Variants in PTRH2 observed in about 807,000 individuals in gnomAD.
PTRH2 encodes the protein peptidyl-tRNA hydrolase 2, mitochondrial.
PTRH2 carries 10 observed loss-of-function variants against 12.3 expected under a neutral mutation model. The observed-to-expected ratio is 0.81, with a 90% CI of 0.50 to 1.38. The LOEUF (loss-of-function observed/expected upper bound fraction) is 1.38. Among genes scored for constraint, PTRH2 ranks in the 40% most tolerant of loss-of-function variants. The pLI is 0.00. For synonymous variants in PTRH2, 73 were observed against 77.4 expected (o/e 0.94, Z 0.30); for missense variants, 176 against 214.1 (o/e 0.82, Z 1.11).
intron 1 of PTRH2, among the ~76,000 whole-genome samples, chr17:59,705,893 T>C (rs1235035510): frequency 1.4e-5 from 2 of 143,742 alleles, no homozygotes; most frequent in African/African-American, 5.2e-5. Context: ...TGGACAACAA[T>C]GCAAAACCCT....
At chr17:59,702,127 G>A (rs2033565050) in intron 1 of PTRH2, among the ~76,000 whole-genome samples, 1 of 152,050 alleles carries the variant, frequency 6.6e-6, no homozygotes, top group Non-Finnish European at 1.5e-5. Flanking sequence ...GAGAAGTTAA[G>A]TTCAATAAAA....
chr17:59,705,005 C>T (rs1436469799), intron 1 of PTRH2, among the ~76,000 whole-genome samples: 1 of 152,180 alleles, frequency 6.6e-6, no homozygotes, highest in East Asian at 1.9e-4. Context: ...CCAGGCTGGT[C>T]TCGAACTCCT....
At position 59,698,663 on chromosome 17, in the gene PTRH2, G is replaced by A. The variant is rs1454651560; in HGVS notation, c.1-685C>T. Reference sequence around the variant, plus strand: ...TATATCCCAATTAACCCAATTAATTGAAAATACTGTAAGCCAAAAATGCAT... The same window carrying A: ...TATATCCCAATTAACCCAATTAATTAAAAATACTGTAAGCCAAAAATGCAT... On this transcript the variant is annotated intron_variant, in intron 1 of 1. Coordinates refer to ENST00000393038, the MANE Select transcript of PTRH2 (RefSeq NM_016077.5). The A allele has an allele frequency of 1.5e-5, 8 of 530,662 alleles. No individual in the cohort carries two copies. The East Asian group carries it at 1.9e-4, about 12-fold the overall frequency. The allele number at this position is 530,662 out of a possible 1,614,324, so 32.9% of individuals were successfully genotyped here. A position where few individuals can be genotyped will look rare whatever the true frequency, so the allele number is the denominator to read the frequency against.
At position 59,697,828 on chromosome 17, in the gene PTRH2, C is replaced by G. The variant is rs770212661; in HGVS notation, c.151G>C (p.Asp51His). 49 of 1,614,202 alleles carry G rather than the reference C, an allele frequency of 3.0e-5. No individual in the cohort carries two copies. The highest frequency in any genetic ancestry group is 4.4e-5 in the South Asian group (4 of 91,082). Residue 51 changes from aspartate to histidine, a missense_variant, in exon 2 of 2, where the codon GAT becomes CAT. Physicochemically the swap from Asp to His is moderately conservative, Grantham distance 81 (BLOSUM62 -1). Transcript: ENST00000393038. ...AAGATGCTTGCTTCACTTTCAGTAT[C>G]TGTGTGTGTCTTGCTCGTCTTGCTT... ...PKSKTSKTHT[D>H]TESEASILGD...
chr17:59,702,734 G>A (rs756574414), intron 1 of PTRH2, among the ~76,000 whole-genome samples: 1 of 152,210 alleles, frequency 6.6e-6, no homozygotes, highest in African/African-American at 2.4e-5. Context: ...GGTAAATAGA[G>A]CTGGTCATGG....
chr17:59,703,522 G>C (rs2033590545), intron 1 of PTRH2, among the ~76,000 whole-genome samples: 3 of 151,660 alleles, frequency 2.0e-5, no homozygotes, highest in Admixed American at 2.0e-4. Context: ...TTTTCTTTTT[G>C]AGACAGAGTC....
chr17:59,701,747 C>A (rs2033557287), intron 1 of PTRH2, among the ~76,000 whole-genome samples: 1 of 152,052 alleles, frequency 6.6e-6, no homozygotes, highest in Admixed American at 6.5e-5. Context: ...GCTCTGTCGC[C>A]CAGGCTAGCA....
intron 1 of PTRH2, chr17:59,701,339 A>G (rs965619894): frequency 1.3e-5 from 2 of 152,244 alleles, no homozygotes; most frequent in Non-Finnish European, 2.9e-5. Context: ...AAAGTGATGC[A>G]TGCTATTTAT....
intron 1 of PTRH2, chr17:59,699,033 G>GT: frequency 3.3e-6 from 2 of 610,788 alleles, no homozygotes; most frequent in Non-Finnish European, 5.9e-6. Flanking sequence ...ATCAACACTA[G>GT]TTGATGGTTT....
intron 1 of PTRH2, chr17:59,699,220 T>A: frequency 4.4e-6 from 1 of 229,724 alleles, no homozygotes; most frequent in East Asian, 1.0e-4. Context: ...CCACTGCTGA[T>A]AGCAGCAAAT....
intron 1 of PTRH2, 84 bp from the exon 2 acceptor site, chr17:59,698,062 T>C: frequency 7.3e-7 from 1 of 1,377,634 alleles, no homozygotes; most frequent in African/African-American, 1.4e-5. Context: ...ATTTTGACTA[T>C]ACACTTAATG....
At chr17:59,699,054 GTGT>G (rs1282934954) in intron 1 of PTRH2, 5 of 577,774 alleles carry the variant, frequency 8.7e-6, no homozygotes, top group African/African-American at 5.6e-5. Flanking sequence ...AGCAAGCATA[GTGT>G]TGTTCTTCAG....
rs995699347 is a variant in PTRH2 at position 59,707,392 on chromosome 17, C to T, written c.-22G>A. On this transcript the variant is annotated 5_prime_UTR_variant, in exon 1 of 2. In the 5' UTR this introduces an upstream ATG that the reference lacks. Transcript: ENST00000393038. ...CTACCTACAGTACCTCCTTTCCTCA[C>T]TCGCGCCTTCCCTTCTTCTGGGCAG... The T allele has an allele frequency of 6.5e-6, 1 of 152,718 alleles. No individual in the cohort carries two copies. Among genetic ancestry groups the T allele is most frequent in the Non-Finnish European group, 1.5e-5 (1 of 68,082 alleles). The allele number at this position is 152,718 out of a possible 1,614,324, so 9.5% of individuals were successfully genotyped here.
chr17:59,702,333 T>C (rs2033568291), intron 1 of PTRH2, among the ~76,000 whole-genome samples: 1 of 152,148 alleles, frequency 6.6e-6, no homozygotes, highest in South Asian at 2.1e-4. Context: ...TCATCAGACA[T>C]TAGATTCTCA....
intron 1 of PTRH2, chr17:59,699,849 T>G (rs1464567798): frequency 6.5e-6 from 1 of 152,728 alleles, no homozygotes; most frequent in Admixed American, 6.5e-5. Context: ...TGCCTTCCTC[T>G]TCTTCATCTC....
chr17:59,701,199 C>CA (rs2033548659), intron 1 of PTRH2: 1 of 152,172 alleles, frequency 6.6e-6, no homozygotes, highest in Non-Finnish European at 1.5e-5. Flanking sequence ...CACAGTGGTA[C>CA]AAGGGAATTT....
chr17:59,699,173 C>A, intron 1 of PTRH2: 2 of 352,524 alleles, frequency 5.7e-6, no homozygotes. Flanking sequence ...TGTGGCGAAT[C>A]TCTCGTAATT....
At chr17:59,704,587 G>A (rs534984099) in intron 1 of PTRH2, among the ~76,000 whole-genome samples, 1 of 152,246 alleles carries the variant, frequency 6.6e-6, no homozygotes, top group South Asian at 2.1e-4. Context: ...ACATAATCCT[G>A]AGGAAATGAA....
chr17:59,706,109 A>G (rs925932556), intron 1 of PTRH2, among the ~76,000 whole-genome samples: 2 of 152,174 alleles, frequency 1.3e-5, no homozygotes, highest in Non-Finnish European at 2.9e-5. Flanking sequence ...CTAAAACAAC[A>G]TGTCTGTCTC....
Sources: gnomAD v4.1 joint callset for allele counts (sites outside exome capture counted in the v4.1 genomes callset) on GRCh38, gnomAD v4.1.1 for gene constraint, MANE v1.5 for transcripts, NCBI Gene and HGNC (gene_info 2026-07-23, HGNC 2026-07-21) for gene names.